RASL12: variants seen among roughly 807,000 people sequenced by gnomAD.
The protein encoded by RASL12 is ras-like protein family member 12.
A neutral mutation model predicts 22.9 loss-of-function variants in RASL12; 16 were observed. The ratio of observed to expected loss-of-function variants is 0.70; its 90% confidence interval spans 0.47 to 1.06. The LOEUF (loss-of-function observed/expected upper bound fraction) is 1.06, where lower values mean the gene tolerates loss of function less well. RASL12 is among the 50% of genes least tolerant of loss of function. The probability of loss-of-function intolerance (pLI) is 0.00; values close to 1 mark genes in which losing one functional copy is unlikely to be tolerated. For missense variants in RASL12, 306 were observed against 353.1 expected, an observed-to-expected ratio of 0.87 and a Z score of 1.07; for synonymous variants, 159 against 152.2, an observed-to-expected ratio of 1.04 and a Z score of -0.33.
upstream of RASL12, among the ~76,000 whole-genome samples, chr15:65,068,648 G>GGT (rs1555407004): frequency 1.3e-5 from 2 of 152,178 alleles, no homozygotes; most frequent in Non-Finnish European, 2.9e-5. The surrounding 1 kb of genome is among the most constrained non-coding windows in gnomAD (Gnocchi z 4.2). Flanking sequence ...GTGTAAATGG[G>GGT]GTGTTTGTTC....
chr15:65,058,198 G>A (rs924684594), intron 4 of RASL12, among the ~76,000 whole-genome samples: 2 of 152,220 alleles, frequency 1.3e-5, no homozygotes, highest in African/African-American at 4.8e-5. Flanking sequence ...GAACCCAGGA[G>A]GTGGAGGTTG....
rs1190424807 is a variant in RASL12 at position 65,058,585 on chromosome 15, G to C, written c.267C>G (p.Asn89Lys). Residue 89 changes from asparagine to lysine, a missense_variant, in exon 4 of 5, where the codon AAC (asparagine) becomes AAG (lysine). Transcript: ENST00000220062. Reference sequence around the variant, plus strand: ...ACACCACCAGGAAGGCATGGGCCCAGTTCAGGTAGCGCTCGCAGTTCCTGG... The same window carrying C: ...ACACCACCAGGAAGGCATGGGCCCACTTCAGGTAGCGCTCGCAGTTCCTGG... ...DTPRNCERYL[N>K]WAHAFLVVYS... 1.3e-6 allele frequency: 2 copies of C among 1,587,564 alleles called. No homozygotes were observed. Among genetic ancestry groups the C allele is most frequent in the Non-Finnish European group, 1.7e-6 (2 of 1,161,888 alleles).
rs759676192 is a variant in RASL12 at position 65,054,896 on chromosome 15, G to A, written c.*3C>T. The A allele has an allele frequency of 3.1e-6, 5 of 1,606,134 alleles. No homozygotes were observed. The East Asian group carries it at 8.9e-5, about 29-fold the overall frequency. ...CGAGCCTAGGCTTCCTGGGGAGGGG[G>A]CCTCAGAAGATCTTGAAGCCCTTCA... On this transcript the variant is annotated 3_prime_UTR_variant, in exon 5 of 5. Coordinates refer to ENST00000220062, the MANE Select transcript of RASL12 (RefSeq NM_016563.4).
At chr15:65,053,083 C>G (rs747393047), downstream of RASL12, 5 of 1,614,050 alleles carry the variant, frequency 3.1e-6, no homozygotes, top group South Asian at 5.5e-5. Flanking sequence ...AAAAGCCAAA[C>G]TTGGCCCAGG....
chr15:65,046,448 CA>C, the RASL12 span, among the ~76,000 whole-genome samples: 2 of 150,748 alleles, frequency 1.3e-5, no homozygotes, highest in African/African-American at 2.4e-5. Context: ...CCAGCCTGGG[CA>C]AAAAGAGTGA....
Position 65,058,629 on chromosome 15 carries a change from G to C in RASL12, c.235-12C>G, listed in dbSNP as rs1193692138. ...TTCCTGGGGGTGTCCTGGGGTGAAGGTGAGAAGCCCCGCCGGGGGGCAGAG... is the reference window on the plus strand; with the variant it reads ...TTCCTGGGGGTGTCCTGGGGTGAAGCTGAGAAGCCCCGCCGGGGGGCAGAG... On this transcript the variant is annotated splice_polypyrimidine_tract_variant and intron_variant, in intron 3 of 4. Transcript: ENST00000220062. The C allele has an allele frequency of 6.6e-7, 1 of 1,507,544 alleles. No homozygotes were observed. Among genetic ancestry groups the C allele is most frequent in the South Asian group, 1.3e-5 (1 of 77,592 alleles). The allele number at this position is 1,507,544 out of a possible 1,614,324, so 93.4% of individuals were successfully genotyped here.
At chr15:65,066,765 G>A (rs1022903150) in intron 1 of RASL12, among the ~76,000 whole-genome samples, 1 of 152,168 alleles carries the variant, frequency 6.6e-6, no homozygotes, top group Non-Finnish European at 1.5e-5. Flanking sequence ...CTCTCTGGGG[G>A]TGGGGCTGGC....
chr15:65,059,205 G>A (rs1261693286), intron 3 of RASL12, 140 bp downstream of exon 3: 10 of 686,902 alleles, frequency 1.5e-5, no homozygotes, highest in Non-Finnish European at 2.4e-5. Context: ...GAGAGGTCAA[G>A]TGCCTCATTC....
In RASL12 at chr15:65,067,760, G is replaced by A; in HGVS notation, c.76C>T (p.Leu26=). ...SAPLEVNLAI[L]GRRGAGKSAL... is the part of the protein sequence containing the mutation. ...GACTTGCCAGCCCCGCGGCGCCCCA[G>A]GATGGCCAGGTTGACCTCGAGGGGC... The change falls in exon 1 of 5, where the codon CTG becomes TTG. Residue 26 remains leucine, a synonymous_variant. Coordinates refer to ENST00000220062, the MANE Select transcript of RASL12 (RefSeq NM_016563.4). 6.3e-7 allele frequency: 1 copy of A among 1,576,232 alleles called. No individual in the cohort carries two copies.
downstream of RASL12, chr15:65,053,155 T>C (rs2086678386): frequency 6.2e-7 from 1 of 1,613,850 alleles, no homozygotes; most frequent in African/African-American, 1.3e-5. Flanking sequence ...TACCAGAAAC[T>C]GAGAGCTAGT....
chr15:65,055,121 G>A lies in RASL12; in HGVS notation c.579C>T (p.Thr193=), dbSNP rs769609309. The part of the protein sequence containing the change: ...ARRELEKSPL[T]RPLFISEERA... ...TCTCCTCGGAGATGAAGAGGGGCCG[G>A]GTCAGGGGGCTCTTCTCCAGCTCCC... Residue 193 remains threonine, a synonymous_variant, in exon 5 of 5, where the codon ACC becomes ACT. Coordinates refer to ENST00000220062, the MANE Select transcript of RASL12 (RefSeq NM_016563.4). 4.3e-6 allele frequency: 7 copies of A among 1,611,000 alleles called. No individual in the cohort carries two copies. The highest frequency in any genetic ancestry group is 2.7e-5 in the African/African-American group (2 of 74,920).
intron 3 of RASL12, 87 bp downstream of exon 3, chr15:65,059,258 C>T: frequency 1.7e-6 from 2 of 1,144,972 alleles, no homozygotes; most frequent in Non-Finnish European, 2.6e-6. Flanking sequence ...ATCTAAATGC[C>T]TATCTGAGGT....
Position 65,059,365 on chromosome 15 carries a change from C to T in RASL12, c.214G>A (p.Val72Ile), listed in dbSNP as rs778582271. 6.2e-7 allele frequency: 1 copy of T among 1,614,042 alleles called. No individual in the cohort carries two copies. The highest frequency in any genetic ancestry group is 8.5e-7 in the Non-Finnish European group (1 of 1,179,958). Residue 72 changes from valine (V) to isoleucine (I), a missense_variant, in exon 3 of 5, where the codon GTC (valine) becomes ATC (isoleucine). Coordinates refer to ENST00000220062, the MANE Select transcript of RASL12 (RefSeq NM_016563.4). Reference sequence around the variant, plus strand: ...GTTACCAGGTCTGCAGTGTCCATGACCCTCAGGTGGACAGGCTGGTGGTCC... The same window carrying T: ...GTTACCAGGTCTGCAGTGTCCATGATCCTCAGGTGGACAGGCTGGTGGTCC... ...TVDHQPVHLRVMDTADLDTPR... is the reference protein window; with the variant it reads ...TVDHQPVHLRIMDTADLDTPR...
intron 4 of RASL12, among the ~76,000 whole-genome samples, chr15:65,056,694 C>T (rs1021944569): frequency 3.9e-5 from 6 of 152,074 alleles, no homozygotes; most frequent in South Asian, 2.1e-4. Flanking sequence ...TCAACCTAAC[C>T]GACATTTTAC....
At chr15:65,063,208 CA>C (rs11346505) in intron 2 of RASL12, among the ~76,000 whole-genome samples, 73,387 of 149,870 alleles carry the variant, frequency 0.49, 18,814 homozygotes, top group East Asian at 0.73. Context: ...ATCTGAATCT[CA>C]AAAAAAAAAA....
At chr15:65,047,018 ATTG>A in the RASL12 span, among the ~76,000 whole-genome samples, 2 of 152,220 alleles carry the variant, frequency 1.3e-5, no homozygotes, top group African/African-American at 4.8e-5. Context: ...AAAAATTGGA[ATTG>A]TTGTCTCAAA....
chr15:65,052,685 C>T (rs2086670123), downstream of RASL12, among the ~76,000 whole-genome samples: 1 of 152,148 alleles, frequency 6.6e-6, no homozygotes, highest in South Asian at 2.1e-4. Flanking sequence ...GTGTGAGCCA[C>T]TGCACCTGGT....
rs1362414866 is a variant in RASL12 at position 65,054,908 on chromosome 15, C to T, written c.792G>A (p.Lys264=). The stretch of plus-strand genomic sequence containing the variant: ...TCCTGGGGAGGGGGCCTCAGAAGAT[C>T]TTGAAGCCCTTCAGGAGAGTCAGGG... ...APTLTLLKGF[K]IF The change falls in exon 5 of 5, where the codon AAG becomes AAA. Residue 264 remains lysine, a synonymous_variant. Transcript: ENST00000220062. 1 of 1,610,906 alleles carries T rather than the reference C, an allele frequency of 6.2e-7. No homozygotes were observed. Among genetic ancestry groups the T allele is most frequent in the Admixed American group, 1.7e-5 (1 of 59,874 alleles).
At chr15:65,068,237 G>A, upstream of RASL12, 5 of 988,278 alleles carry the variant, frequency 5.1e-6, no homozygotes, top group Non-Finnish European at 6.0e-6. This position sits in a 1 kb window ranked among gnomAD's most constrained non-coding sequence, Gnocchi z 4.2. Flanking sequence ...CAGGGCTAGG[G>A]GGAGAGAGGG....
Sources: allele counts gnomAD v4.1 joint callset (sites outside exome capture counted in the v4.1 genomes callset), GRCh38; gene constraint gnomAD v4.1.1; non-coding constraint Gnocchi (gnomAD v3.1); transcripts MANE v1.5; gene names NCBI Gene and HGNC (gene_info 2026-07-23, HGNC 2026-07-21).